Variants in PCDHGA2 observed in about 807,000 individuals in gnomAD.
The protein encoded by PCDHGA2 is protocadherin gamma subfamily A, 2, also known as protocadherin gamma-A2.
A neutral mutation model predicts 59.2 loss-of-function variants in PCDHGA2; 40 were observed. That is an observed-to-expected ratio of 0.68 (90% CI 0.52 to 0.88). The LOEUF is 0.88. Among genes scored for constraint, PCDHGA2 ranks in the 40% least tolerant of loss-of-function variants. The probability of loss-of-function intolerance (pLI) is 0.00; values close to 1 mark genes in which losing one functional copy is unlikely to be tolerated. For synonymous variants in PCDHGA2, 560 were observed against 526.0 expected (o/e 1.06, Z -0.89); for missense variants, 1,226 against 1,204.0 (o/e 1.02, Z -0.27).
Position 141,343,308 on chromosome 5 carries a change from T to C in PCDHGA2, c.2424+1913T>C, listed in dbSNP as rs1483279931. On this transcript the variant is annotated intron_variant, in intron 1 of 3. Transcript: ENST00000394576. ...AAATATAATGTATAAATATGGCTGA[T>C]TTCTGTGTGTTTCTTTTCTTTTTTT... 3 of 973,506 alleles carry C rather than the reference T, an allele frequency of 3.1e-6. No individual in the cohort carries two copies. The African/African-American group carries it at 5.3e-5, about 17-fold the overall frequency. 60.3% of individuals were successfully genotyped at this position (973,506 alleles called of 1,614,324 possible).
At chr5:141,461,007 A>G (rs965754689) in intron 1 of PCDHGA2, among the ~76,000 whole-genome samples, 1 of 151,418 alleles carries the variant, frequency 6.6e-6, no homozygotes, top group Non-Finnish European at 1.5e-5. Flanking sequence ...GTGTATATAT[A>G]TATACCACAT....
intron 1 of PCDHGA2, among the ~76,000 whole-genome samples, chr5:141,468,979 C>T (rs1394344696): frequency 6.7e-6 from 1 of 149,482 alleles, no homozygotes; most frequent in African/African-American, 2.5e-5. Flanking sequence ...CTTTTGACTT[C>T]CAAAATTATT....
intron 1 of PCDHGA2, chr5:141,409,213 C>A (rs1379007048): frequency 6.2e-7 from 1 of 1,613,994 alleles, no homozygotes; most frequent in East Asian, 2.2e-5. Context: ...TCATAGAAAT[C>A]CTTGATGAAA....
chr5:141,500,184 T>TTTTTTTTATTTA (rs1554186429), intron 2 of PCDHGA2, among the ~76,000 whole-genome samples: 16 of 135,886 alleles, frequency 1.2e-4, no homozygotes, highest in African/African-American at 4.3e-4. Context: ...TCATTTTTAT[T>TTTTTTTTATTTA]TTTATTTATT....
At chr5:141,360,266 A>G (rs1187261942) in intron 1 of PCDHGA2, 10 of 1,613,538 alleles carry the variant, frequency 6.2e-6, no homozygotes, top group Non-Finnish European at 8.5e-6. Context: ...CTGGCCAAAA[A>G]CTCGGTCGTA....
In PCDHGA2 at chr5:141,341,358, C is replaced by A; in HGVS notation, c.2387C>A (p.Ser796Tyr). 1 of 1,614,252 alleles carries A rather than the reference C, an allele frequency of 6.2e-7. No homozygotes were observed. Among genetic ancestry groups the A allele is most frequent in the Non-Finnish European group, 8.5e-7 (1 of 1,180,050 alleles). ...AAGGATTTTTTATCAGCGCCTCAATCTCTACTCGAAGAAGAAAGAGAAGAA... is the reference window on the plus strand; with the variant it reads ...AAGGATTTTTTATCAGCGCCTCAATATCTACTCGAAGAAGAAAGAGAAGAA... ...EKKDFLSAPQ[S>Y]LLEEEREETF... The change falls in exon 1 of 4, where the codon TCT (serine) becomes TAT (tyrosine). Residue 796 changes from serine (S) to tyrosine (Y), a missense_variant. Coordinates refer to ENST00000394576, the MANE Select transcript of PCDHGA2 (RefSeq NM_018915.4).
At chr5:141,462,833 A>G (rs1488609568) in intron 1 of PCDHGA2, among the ~76,000 whole-genome samples, 1 of 152,082 alleles carries the variant, frequency 6.6e-6, no homozygotes, top group Non-Finnish European at 1.5e-5. Flanking sequence ...GACATTGTAA[A>G]TGTTATATTT....
intron 1 of PCDHGA2, chr5:141,370,394 G>A (rs758929639): frequency 1.3e-6 from 2 of 1,547,668 alleles, no homozygotes; most frequent in African/African-American, 1.4e-5. Flanking sequence ...CAGAGAGCGG[G>A]ATGGGAAATA....
intron 1 of PCDHGA2, among the ~76,000 whole-genome samples, chr5:141,446,356 A>G (rs73280911): frequency 0.088 from 13,411 of 152,284 alleles, 771 homozygotes; most frequent in African/African-American, 0.16. Flanking sequence ...CTACCATTTG[A>G]TGAGAATGGA....
Position 141,490,447 on chromosome 5 carries a change from C to A in PCDHGA2, c.2425-4360C>A, listed in dbSNP as rs1273424450. 1.2e-6 allele frequency: 2 copies of A among 1,614,196 alleles called. No homozygotes were observed. The highest frequency in any genetic ancestry group is 1.7e-5 in the Admixed American group (1 of 60,030). Reference sequence around the variant, plus strand: ...ATTTCAGATTAAGCCTTCTGAGAACCACTACTCGCTGCTAACCAGCCAGCC... The same window carrying A: ...ATTTCAGATTAAGCCTTCTGAGAACAACTACTCGCTGCTAACCAGCCAGCC... On this transcript the variant is annotated intron_variant, in intron 1 of 3. Coordinates refer to ENST00000394576, the MANE Select transcript of PCDHGA2 (RefSeq NM_018915.4). This position sits in a 1 kb window ranked among gnomAD's most constrained non-coding sequence, Gnocchi z 5.4.
Position 141,476,008 on chromosome 5 carries a change from G to T in PCDHGA2, c.2425-18799G>T. 1 of 1,282,144 alleles carries T rather than the reference G, an allele frequency of 7.8e-7. No homozygotes were observed. Among genetic ancestry groups the T allele is most frequent in the Non-Finnish European group, 1.1e-6 (1 of 935,996 alleles). 79.4% of individuals were successfully genotyped at this position (1,282,144 alleles called of 1,614,324 possible). On this transcript the variant is annotated intron_variant, in intron 1 of 3. Coordinates refer to ENST00000394576, the MANE Select transcript of PCDHGA2 (RefSeq NM_018915.4). This position sits in a 1 kb window ranked among gnomAD's most constrained non-coding sequence, Gnocchi z 7.6. ...CGAGCAAATCAACGGCATCCAGAAA[G>T]CCATGTCGGACTCGGCGCCCAGCGC... is the stretch of plus-strand genomic sequence containing the variant.
chr5:141,472,998 G>GAA (rs2099311030), intron 1 of PCDHGA2, among the ~76,000 whole-genome samples: 1 of 134,744 alleles, frequency 7.4e-6, no homozygotes, highest in Non-Finnish European at 1.6e-5. Flanking sequence ...AAAAAAAAAA[G>GAA]AAAGAAAAAG....
intron 1 of PCDHGA2, chr5:141,370,873 C>T: frequency 6.2e-7 from 1 of 1,614,064 alleles, no homozygotes; most frequent in Non-Finnish European, 8.5e-7. Flanking sequence ...GCGCAAGATC[C>T]TGATGTAGGT....
chr5:141,409,903 G>A (rs570063514), intron 1 of PCDHGA2: 1 of 1,613,268 alleles, frequency 6.2e-7, no homozygotes, highest in Non-Finnish European at 8.5e-7. Flanking sequence ...ACCCAGCTCT[G>A]GGTCCTGACG....
intron 1 of PCDHGA2, chr5:141,361,265 G>C (rs1245331652): frequency 6.2e-7 from 1 of 1,613,872 alleles, no homozygotes; most frequent in Non-Finnish European, 8.5e-7. Flanking sequence ...AGAGACTCTG[G>C]AGAAAATGGA....
intron 1 of PCDHGA2, chr5:141,394,886 C>CT: frequency 1.9e-6 from 3 of 1,613,890 alleles, no homozygotes; most frequent in Non-Finnish European, 2.5e-6. Context: ...GCCTTACACT[C>CT]TATCTCGTGG....
Position 141,431,826 on chromosome 5 carries a change from TTCCCGAAAACTC to T in PCDHGA2, c.2425-62976_2425-62965del, listed in dbSNP as rs755346532. ...GTCCTCACCTCTCTCGCCAGCTCGGTTCCCGAAAACTCTCCCAGAGGGACATTAATTGCCCTT... is the reference window on the plus strand; with the variant it reads ...GTCCTCACCTCTCTCGCCAGCTCGGTTCCCAGAGGGACATTAATTGCCCTT... On this transcript the variant is annotated intron_variant, in intron 1 of 3. Transcript: ENST00000394576. The surrounding 1 kb of genome is among the most constrained non-coding windows in gnomAD (Gnocchi z 4.8). The T allele has an allele frequency of 4.3e-6, 7 of 1,614,102 alleles. No individual in the cohort carries two copies. Among genetic ancestry groups the T allele is most frequent in the Admixed American group, 1.7e-5 (1 of 60,006 alleles).
At chr5:141,370,600 T>G in intron 1 of PCDHGA2, 1 of 1,613,984 alleles carries the variant, frequency 6.2e-7, no homozygotes, top group Non-Finnish European at 8.5e-7. Context: ...CTGCGGGTTA[T>G]TGCAGAGAAG....
In PCDHGA2 at chr5:141,398,901, C is replaced by CACCA. The variant is rs763382637; in HGVS notation, c.2424+57507_2424+57510dup. ...GCCTTCGGGAAAACGTGCCACCAGG[C>CACCA]ACCACTGTGTTGCAAGTGTCAGCCA... On this transcript the variant is annotated intron_variant, in intron 1 of 3. Coordinates refer to ENST00000394576, the MANE Select transcript of PCDHGA2 (RefSeq NM_018915.4). 3.7e-6 allele frequency: 6 copies of CACCA among 1,613,954 alleles called. No homozygotes were observed. The South Asian group carries it at 6.6e-5, about 18-fold the overall frequency.
Sources: gnomAD v4.1 joint callset for allele counts (sites outside exome capture counted in the v4.1 genomes callset) on GRCh38, gnomAD v4.1.1 for gene constraint, Gnocchi (gnomAD v3.1) non-coding constraint, MANE v1.5 for transcripts, NCBI Gene and HGNC (gene_info 2026-07-23, HGNC 2026-07-21) for gene names.